TXNDC16: variants seen among roughly 807,000 people sequenced by gnomAD.
TXNDC16 encodes the protein thioredoxin domain containing 16.
Under a neutral mutation model 85.6 loss-of-function variants are expected in TXNDC16, and 74 were observed. The ratio of observed to expected loss-of-function variants is 0.86; its 90% CI spans 0.72 to 1.05. The LOEUF is 1.05. Ranked by LOEUF, TXNDC16 falls within the 50% of genes least tolerant of loss-of-function variation. The pLI, the probability that TXNDC16 is intolerant of heterozygous loss-of-function variation, is 0.00. For synonymous variants in TXNDC16, 335 were observed against 326.5 expected (o/e 1.03, Z -0.28); for missense variants, 959 against 947.0 (o/e 1.01, Z -0.17).
chr14:52,460,421 A>C (rs970577257), intron 16 of TXNDC16, among the ~76,000 whole-genome samples: 7 of 152,188 alleles, frequency 4.6e-5, no homozygotes, highest in African/African-American at 1.4e-4. Context: ...ACTAGAAAAA[A>C]AGTATTTCAA....
At chr14:52,445,848 T>C (rs1455489437) in intron 18 of TXNDC16, among the ~76,000 whole-genome samples, 1 of 152,250 alleles carries the variant, frequency 6.6e-6, no homozygotes, top group Non-Finnish European at 1.5e-5. Flanking sequence ...AAGTACACTC[T>C]ATATAAAGTT....
chr14:52,482,850 A>G lies in TXNDC16; in HGVS notation c.1224T>C (p.Ser408=). 3 of 1,612,068 alleles carry G rather than the reference A, an allele frequency of 1.9e-6. No individual in the cohort carries two copies. The highest frequency in any genetic ancestry group is 3.3e-4 in the Middle Eastern group (2 of 6,054). Residue 408 remains serine (S), a synonymous_variant, in exon 13 of 21, where the codon TCT becomes TCC. Coordinates refer to ENST00000281741, the MANE Select transcript of TXNDC16 (RefSeq NM_020784.3). Reference sequence around the variant, plus strand: ...CAGCATAGAAGAGTACTATGCTGTCAGAAGCCATCACTGTTGCATTAAATG... The same window carrying G: ...CAGCATAGAAGAGTACTATGCTGTCGGAAGCCATCACTGTTGCATTAAATG... ...EETFNATVMA[S]DSIVLFYAGW...
intron 6 of TXNDC16, among the ~76,000 whole-genome samples, chr14:52,525,567 G>T (rs951483754): frequency 1.3e-5 from 2 of 150,714 alleles, no homozygotes; most frequent in Middle Eastern, 6.8e-3. Flanking sequence ...GTATGGTGGC[G>T]CATGCCTGTA....
chr14:52,476,515 T>C (rs751627458), intron 14 of TXNDC16, among the ~76,000 whole-genome samples: 5 of 151,880 alleles, frequency 3.3e-5, no homozygotes, highest in African/African-American at 1.2e-4. Flanking sequence ...CAGGAAACAA[T>C]AGACGCACTT....
At chr14:52,466,370 A>C (rs1311385123) in intron 16 of TXNDC16, among the ~76,000 whole-genome samples, 1 of 120,422 alleles carries the variant, frequency 8.3e-6, no homozygotes, top group African/African-American at 3.2e-5. Context: ...TCCAACCCGG[A>C]TGACAGAACA....
intron 16 of TXNDC16, among the ~76,000 whole-genome samples, chr14:52,464,262 G>A (rs1197926898): frequency 3.9e-5 from 6 of 152,132 alleles, no homozygotes; most frequent in Non-Finnish European, 8.8e-5. Context: ...TACATATGAC[G>A]ATAGACGGCA....
At chr14:52,455,790 C>A (rs2035518752) in intron 17 of TXNDC16, among the ~76,000 whole-genome samples, 1 of 152,154 alleles carries the variant, frequency 6.6e-6, no homozygotes. Context: ...GACTTGCTCA[C>A]CACAATGCTG....
intron 6 of TXNDC16, among the ~76,000 whole-genome samples, chr14:52,522,146 G>A (rs1282044474): frequency 6.6e-6 from 1 of 152,106 alleles, no homozygotes; most frequent in Admixed American, 6.5e-5. Flanking sequence ...TAAATTCTAG[G>A]CTTGGAAATT....
intron 17 of TXNDC16, among the ~76,000 whole-genome samples, 199 bp from the exon 18 acceptor site, chr14:52,455,661 C>G (rs191822987): frequency 6.6e-6 from 1 of 152,146 alleles, no homozygotes; most frequent in East Asian, 1.9e-4. Flanking sequence ...TGATCTATAA[C>G]AAACTAGATT....
At chr14:52,503,288 C>T (rs2036706536) in intron 9 of TXNDC16, among the ~76,000 whole-genome samples, 1 of 152,248 alleles carries the variant, frequency 6.6e-6, no homozygotes, top group South Asian at 2.1e-4. Context: ...AAGTGGGTCC[C>T]TGACCCCCAA....
intron 6 of TXNDC16, among the ~76,000 whole-genome samples, chr14:52,535,847 C>G (rs938628201): frequency 6.6e-6 from 1 of 152,018 alleles, no homozygotes; most frequent in East Asian, 1.9e-4. Context: ...AAGAAGAAAG[C>G]CAGGTACTTT....
chr14:52,521,286 T>C (rs1179558672), intron 6 of TXNDC16, among the ~76,000 whole-genome samples: 2 of 150,984 alleles, frequency 1.3e-5, no homozygotes, highest in Non-Finnish European at 3.0e-5. Flanking sequence ...CTATTTTTTT[T>C]TTTTTTTTGT....
intron 16 of TXNDC16, among the ~76,000 whole-genome samples, chr14:52,460,316 G>C (rs1392031231): frequency 6.6e-6 from 1 of 151,762 alleles, no homozygotes; most frequent in Non-Finnish European, 1.5e-5. Flanking sequence ...CTCATGAATG[G>C]GAAAAAACAA....
intron 1 of TXNDC16, among the ~76,000 whole-genome samples, chr14:52,549,769 C>G (rs1404977079): frequency 1.3e-5 from 2 of 151,804 alleles, no homozygotes; most frequent in Admixed American, 1.3e-4. Flanking sequence ...TCCCAAGTAG[C>G]TAGGACTACA....
At position 52,432,428 on chromosome 14, in the gene TXNDC16, G is replaced by A. The variant is rs762620960; in HGVS notation, c.2354C>T (p.Ser785Leu). The change falls in exon 21 of 21, where the codon TCG (serine) becomes TTG (leucine). Residue 785 changes from serine to leucine, a missense_variant. Ser to Leu is a moderately radical substitution (Grantham distance 145, BLOSUM62 -2). Transcript: ENST00000281741. Reference sequence around the variant, plus strand: ...TTCAATCGGTTCTTTTCTGACTGCCGATTTATCTTCATGTTGTTCCTTATC... The same window carrying A: ...TTCAATCGGTTCTTTTCTGACTGCCAATTTATCTTCATGTTGTTCCTTATC... Reference protein sequence around the residue: ...ENDKEQHEDKSAVRKEPIETL... With the variant: ...ENDKEQHEDKLAVRKEPIETL... 90 of 1,613,674 alleles carry A rather than the reference G, an allele frequency of 5.6e-5. No homozygotes were observed. The highest frequency in any genetic ancestry group is 3.5e-4 in the African/African-American group (26 of 74,862).
intron 6 of TXNDC16, among the ~76,000 whole-genome samples, chr14:52,528,020 A>G (rs2037378991): frequency 6.6e-6 from 1 of 152,110 alleles, no homozygotes; most frequent in South Asian, 2.1e-4. Context: ...AATTGACAAT[A>G]ATGGTCAAAA....
chr14:52,468,860 G>C (rs560012147), intron 16 of TXNDC16, among the ~76,000 whole-genome samples: 3 of 151,932 alleles, frequency 2.0e-5, no homozygotes, highest in African/African-American at 7.2e-5. Flanking sequence ...CTGGGCAATA[G>C]GGCGAGACCC....
chr14:52,453,819 G>T (rs558380308), intron 18 of TXNDC16, among the ~76,000 whole-genome samples: 16 of 152,090 alleles, frequency 1.1e-4, no homozygotes, highest in African/African-American at 3.9e-4. Context: ...TGTACAAGAG[G>T]TCTCTTTTCT....
intron 6 of TXNDC16, among the ~76,000 whole-genome samples, chr14:52,523,296 A>T (rs2037253860): frequency 6.6e-6 from 1 of 152,206 alleles, no homozygotes; most frequent in Non-Finnish European, 1.5e-5. Flanking sequence ...TTCCTGCAGT[A>T]ACTATTAGTT....
Sources: allele counts gnomAD v4.1 joint callset (sites outside exome capture counted in the v4.1 genomes callset), GRCh38; gene constraint gnomAD v4.1.1; transcripts MANE v1.5; gene names NCBI Gene and HGNC (gene_info 2026-07-23, HGNC 2026-07-21).